IPCEF1: variants seen among roughly 807,000 people sequenced by gnomAD.
IPCEF1 encodes interaction protein for cytohesin exchange factors 1.
Under a neutral mutation model 50.9 loss-of-function variants are expected in IPCEF1, and 31 were observed. That is an observed-to-expected ratio of 0.61 (90% CI 0.46 to 0.82). IPCEF1 has a LOEUF of 0.82. Ranked by LOEUF, IPCEF1 falls within the 40% of genes least tolerant of loss-of-function variation. IPCEF1 has a pLI of 0.00. For missense variants in IPCEF1, 458 were observed against 514.0 expected (o/e 0.89, Z 1.05); for synonymous variants, 181 against 192.0 (o/e 0.94, Z 0.47).
chr6:154,264,572 C>T (rs1007355433), intron 3 of IPCEF1, among the ~76,000 whole-genome samples: 3 of 152,070 alleles, frequency 2.0e-5, no homozygotes, highest in African/African-American at 7.2e-5. Flanking sequence ...GGAGTTTCAC[C>T]ATGTTGGCCA....
chr6:154,216,574 C>T (rs989547823), intron 7 of IPCEF1, among the ~76,000 whole-genome samples: 3 of 152,114 alleles, frequency 2.0e-5, no homozygotes, highest in Non-Finnish European at 4.4e-5. Context: ...TATAATTTTA[C>T]TGTTTAAAGT....
intron 7 of IPCEF1, among the ~76,000 whole-genome samples, chr6:154,220,328 A>G (rs1387124538): frequency 1.3e-5 from 2 of 152,198 alleles, no homozygotes; most frequent in African/African-American, 4.8e-5. Context: ...GCCCTCTGAT[A>G]TCTCCAATCA....
chr6:154,220,153 A>G (rs2128615281), intron 7 of IPCEF1, among the ~76,000 whole-genome samples: 1 of 152,302 alleles, frequency 6.6e-6, no homozygotes, highest in South Asian at 2.1e-4. Flanking sequence ...GGTTAAGCGT[A>G]AGCTCTGTGA....
chr6:154,354,493 GTCA>G (rs1784179702), intron 1 of IPCEF1, among the ~76,000 whole-genome samples: 1 of 27,566 alleles, frequency 3.6e-5, no homozygotes, highest in African/African-American at 1.9e-4. Context: ...CATCTCTACC[GTCA>G]CTTCCACCAT....
chr6:154,215,370 A>C (rs1663618596), intron 7 of IPCEF1, among the ~76,000 whole-genome samples: 1 of 152,170 alleles, frequency 6.6e-6, no homozygotes, highest in African/African-American at 2.4e-5. Context: ...TCAGGAGGCC[A>C]AGGCAGGTGG....
rs1474200692 is a variant in IPCEF1, at chr6:154,214,917, C to T, written c.393-641G>A. Among the ~76,000 whole-genome samples, 3 of 152,224 alleles carry T rather than the reference C, an allele frequency of 2.0e-5. No homozygotes were observed. The South Asian group carries it at 6.2e-4, about 31-fold the overall frequency. On this transcript the variant is annotated intron_variant, in intron 7 of 11. Coordinates refer to ENST00000367220, the MANE Select transcript of IPCEF1 (RefSeq NM_001130700.2). Reference sequence around the variant, plus strand: ...GAACGAGACAGAAACTCAAACTTGGCTTATCACTGCAGACCACTGTAGTTC... The same window carrying T: ...GAACGAGACAGAAACTCAAACTTGGTTTATCACTGCAGACCACTGTAGTTC...
chr6:154,211,616 G>C (rs1036740480), intron 9 of IPCEF1, among the ~76,000 whole-genome samples: 1 of 152,016 alleles, frequency 6.6e-6, no homozygotes, highest in African/African-American at 2.4e-5. Flanking sequence ...GGGAAAAAAA[G>C]GCACTCACCA....
At chr6:154,264,177 C>T (rs1405720230) in intron 3 of IPCEF1, among the ~76,000 whole-genome samples, 2 of 151,908 alleles carry the variant, frequency 1.3e-5, no homozygotes, top group African/African-American at 4.8e-5. Flanking sequence ...CATTGGATCA[C>T]ACCTTCCTTC....
At chr6:154,332,649 A>G (rs1439327434) in intron 1 of IPCEF1, among the ~76,000 whole-genome samples, 1 of 152,140 alleles carries the variant, frequency 6.6e-6, no homozygotes, top group Non-Finnish European at 1.5e-5. Flanking sequence ...TCCTATGCTA[A>G]TTAAGAGTGC....
At chr6:154,239,266 C>T (rs562362208) in intron 5 of IPCEF1, among the ~76,000 whole-genome samples, 1 of 152,286 alleles carries the variant, frequency 6.6e-6, no homozygotes, top group South Asian at 2.1e-4. Context: ...CCCATCCCAA[C>T]TACAGATAAT....
chr6:154,225,444 T>C (rs1779175419), intron 5 of IPCEF1, among the ~76,000 whole-genome samples: 2 of 152,242 alleles, frequency 1.3e-5, no homozygotes, highest in South Asian at 4.1e-4. Context: ...ACATGCTACG[T>C]GGATGAATCT....
chr6:154,185,132 T>C (rs568232123), intron 10 of IPCEF1, among the ~76,000 whole-genome samples: 2 of 152,312 alleles, frequency 1.3e-5, no homozygotes, highest in South Asian at 4.1e-4. Flanking sequence ...TTGAATATTA[T>C]TGTCCCCTGA....
intron 10 of IPCEF1, among the ~76,000 whole-genome samples, chr6:154,173,835 C>G (rs1190423403): frequency 6.6e-6 from 1 of 152,146 alleles, no homozygotes; most frequent in Non-Finnish European, 1.5e-5. Flanking sequence ...CACAAAGATA[C>G]TCCTTGAGAA....
At chr6:154,268,298 G>T (rs1781810262) in intron 2 of IPCEF1, among the ~76,000 whole-genome samples, 1 of 152,246 alleles carries the variant, frequency 6.6e-6, no homozygotes, top group Non-Finnish European at 1.5e-5. Context: ...GGTAGGTCCT[G>T]TCTGCTCTTT....
intron 2 of IPCEF1, among the ~76,000 whole-genome samples, chr6:154,286,609 G>T (rs1782366286): frequency 6.6e-6 from 1 of 152,208 alleles, no homozygotes; most frequent in South Asian, 2.1e-4. Flanking sequence ...GCAGTGTTTG[G>T]ATGTGTGTAG....
chr6:154,233,491 T>A (rs12213815), intron 5 of IPCEF1, among the ~76,000 whole-genome samples: 2,268 of 152,300 alleles, frequency 0.015, 32 homozygotes, highest in Non-Finnish European at 0.024. Context: ...CCAGAGAGAC[T>A]TTTTTCTTAC....
At chr6:154,274,162 A>G (rs73569082) in intron 2 of IPCEF1, among the ~76,000 whole-genome samples, 4,461 of 145,570 alleles carry the variant, frequency 0.031, 204 homozygotes, top group African/African-American at 0.11. Flanking sequence ...TCCCTTTTTT[A>G]TTGTTGTCTT....
Position 154,156,076 on chromosome 6 carries a change from C to A in IPCEF1, c.*3752G>T, listed in dbSNP as rs1267755677. 1 of 152,206 alleles carries A rather than the reference C, an allele frequency of 6.6e-6. No individual in the cohort carries two copies. The highest frequency in any genetic ancestry group is 1.5e-5 in the Non-Finnish European group (1 of 68,052). 9.4% of individuals were successfully genotyped at this position (152,206 alleles called of 1,614,324 possible). ...CAAACAAAATAAACACTCTCCATTT[C>A]TTTAAATATATGTTTTTCATCCAAG... On this transcript the variant is annotated 3_prime_UTR_variant, in exon 12 of 12. Transcript: ENST00000367220.
intron 11 of IPCEF1, among the ~76,000 whole-genome samples, chr6:154,164,105 T>C (rs1025960269): frequency 3.9e-4 from 59 of 152,348 alleles, no homozygotes; most frequent in African/African-American, 1.4e-3. Context: ...TTAAAGAGTT[T>C]TATTTTGTTC....
Sources: gnomAD v4.1 joint callset for allele counts (sites outside exome capture counted in the v4.1 genomes callset) on GRCh38, gnomAD v4.1.1 for gene constraint, MANE v1.5 for transcripts, NCBI Gene and HGNC (gene_info 2026-07-23, HGNC 2026-07-21) for gene names.